SYNPO: variants seen among roughly 807,000 people sequenced by gnomAD.
SYNPO encodes synaptopodin.
A neutral mutation model predicts 49.5 loss-of-function variants in SYNPO; 19 were observed. The ratio of observed to expected loss-of-function variants is 0.38; its 90% CI spans 0.27 to 0.56. The LOEUF (loss-of-function observed/expected upper bound fraction) is 0.56. SYNPO is among the 20% of genes least tolerant of loss of function. The probability of loss-of-function intolerance (pLI) is 0.68; values close to 1 mark genes in which losing one functional copy is unlikely to be tolerated. For missense variants in SYNPO, 1,131 were observed against 1,248.3 expected (o/e 0.91, Z 1.42); for synonymous variants, 536 against 548.0 (o/e 0.98, Z 0.31).
In SYNPO at chr5:150,648,051, G is replaced by A; in HGVS notation, c.-225G>A. On this transcript the variant is annotated 5_prime_UTR_variant, in exon 2 of 3. Coordinates refer to ENST00000307662, the MANE Select transcript of SYNPO (RefSeq NM_007286.6). This position sits in a 1 kb window ranked among gnomAD's most constrained non-coding sequence, Gnocchi z 5.0. ...CACCCCTCCCAGCTCCAATTCCCGTGGCGTCCAGCTCTTCAACAGGCGCCG... is the reference window on the plus strand; with the variant it reads ...CACCCCTCCCAGCTCCAATTCCCGTAGCGTCCAGCTCTTCAACAGGCGCCG... 6.4e-7 allele frequency: 1 copy of A among 1,551,794 alleles called. No homozygotes were observed.
upstream of SYNPO, among the ~76,000 whole-genome samples, chr5:150,638,114 G>C (rs527471970): frequency 1.3e-5 from 2 of 152,122 alleles, no homozygotes; most frequent in South Asian, 4.2e-4. Flanking sequence ...GTGGGGTGGG[G>C]GTTATCTTGA....
chr5:150,646,685 A>T (rs1213768199), intron 1 of SYNPO, among the ~76,000 whole-genome samples: 1 of 152,090 alleles, frequency 6.6e-6, no homozygotes. Context: ...AGATCTCATC[A>T]TTGCACTCCA....
intron 2 of SYNPO, 44 bp downstream of exon 2, chr5:150,650,347 G>A (rs1472768842): frequency 1.2e-6 from 2 of 1,612,640 alleles, no homozygotes; most frequent in Admixed American, 3.3e-5. Flanking sequence ...ACCCCACGGG[G>A]GTCCCACTGC....
chr5:150,612,648 C>A (rs559494484), intron 1 of SYNPO, among the ~76,000 whole-genome samples: 24 of 152,214 alleles, frequency 1.6e-4, no homozygotes, highest in Non-Finnish European at 1.6e-4. Flanking sequence ...AATAATAGCA[C>A]CTTCCTTATA....
At chr5:150,595,982 G>A in the SYNPO span, among the ~76,000 whole-genome samples, 51,692 of 152,122 alleles carry the variant, frequency 0.34, 9,285 homozygotes, top group Middle Eastern at 0.49. Flanking sequence ...AAAGAGGCCC[G>A]GGCCACAGGC....
chr5:150,657,415 T>TTCTCTCTCTC lies in SYNPO; in HGVS notation c.*337_*346dup, dbSNP rs376731190. ...ACACCGATGCACACACACTCTCTCTTTCTCTCTCTCTCTCTCTCACACACA... is the reference window on the plus strand; with the variant it reads ...ACACCGATGCACACACACTCTCTCTTTCTCTCTCTCTCTCTCTCTCTCTCTCTCACACACA... On this transcript the variant is annotated 3_prime_UTR_variant, in exon 3 of 3. Coordinates refer to ENST00000307662, the MANE Select transcript of SYNPO (RefSeq NM_007286.6). 8 of 192,232 alleles carry TTCTCTCTCTC rather than the reference T, an allele frequency of 4.2e-5. No individual in the cohort carries two copies. The highest frequency in any genetic ancestry group is 1.7e-4 in the African/African-American group (6 of 35,924). The allele number at this position is 192,232 out of a possible 1,614,324, so 11.9% of individuals were successfully genotyped here.
At position 150,649,232 on chromosome 5, in the gene SYNPO, C is replaced by A. The variant is rs1300795959; in HGVS notation, c.957C>A (p.Pro319=). 2 of 1,614,014 alleles carry A rather than the reference C, an allele frequency of 1.2e-6. No individual in the cohort carries two copies. Among genetic ancestry groups the A allele is most frequent in the Non-Finnish European group, 8.5e-7 (1 of 1,180,028 alleles). The part of the protein sequence containing the change: ...RRPLGNFTAP[P]TYTETLSTAP... ...CCTTGGGGAACTTCACTGCACCCCC[C>A]ACCTACACTGAGACCTTGTCCACAG... The change falls in exon 2 of 3, where the codon CCC becomes CCA. Residue 319 remains proline, a synonymous_variant. Transcript: ENST00000307662.
chr5:150,612,608 G>A (rs950668776), intron 1 of SYNPO, among the ~76,000 whole-genome samples: 61 of 152,276 alleles, frequency 4.0e-4, no homozygotes, highest in African/African-American at 1.4e-3. Flanking sequence ...AGTCATCGCA[G>A]CTCCATTTCC....
At position 150,651,888 on chromosome 5, in the gene SYNPO, G is replaced by C. The variant is rs897940296; in HGVS notation, c.2028+1585G>C. ...AGCCCCCGACCAAACCAGGCTTTGT[G>C]GGGGGTGAGAGAATACAGACACAAG... is the stretch of plus-strand genomic sequence containing the variant. On this transcript the variant is annotated intron_variant, in intron 2 of 2. Coordinates refer to ENST00000307662, the MANE Select transcript of SYNPO (RefSeq NM_007286.6). 3.0e-6 allele frequency: 3 copies of C among 1,000,346 alleles called. No individual in the cohort carries two copies. The East Asian group carries it at 3.4e-4, about 112-fold the overall frequency. 62.0% of individuals were successfully genotyped at this position (1,000,346 alleles called of 1,614,324 possible). A position where few individuals can be genotyped will look rare whatever the true frequency, so the allele number is the denominator to read the frequency against.
At chr5:150,595,794 C>G in the SYNPO span, among the ~76,000 whole-genome samples, 5 of 148,968 alleles carry the variant, frequency 3.4e-5, no homozygotes, top group Admixed American at 6.7e-5. Context: ...AATCTCCCCC[C>G]ACCCCAGCCC....
At chr5:150,651,804 TAAGTC>T (rs1337120317) in intron 2 of SYNPO, 4 of 1,000,396 alleles carry the variant, frequency 4.0e-6, no homozygotes, top group Non-Finnish European at 4.8e-6. Context: ...GTGAGGGTGT[TAAGTC>T]AGGTAGCTGG....
intron 1 of SYNPO, among the ~76,000 whole-genome samples, chr5:150,641,587 G>C (rs1356572778): frequency 2.6e-5 from 4 of 152,218 alleles, no homozygotes; most frequent in African/African-American, 9.6e-5. Flanking sequence ...ACGGGCCCCA[G>C]TGGTGGGCAG....
chr5:150,641,409 A>G (rs971396963), intron 1 of SYNPO, among the ~76,000 whole-genome samples: 1 of 152,112 alleles, frequency 6.6e-6, no homozygotes, highest in Non-Finnish European at 1.5e-5. Context: ...GCCAATCTCT[A>G]TTCCTACCCC....
chr5:150,636,780 G>A (rs1757729717), upstream of SYNPO, among the ~76,000 whole-genome samples: 1 of 150,566 alleles, frequency 6.6e-6, no homozygotes. Context: ...GGGATCCCCT[G>A]TGCAGAGAGA....
rs907706243 is a variant in SYNPO at position 150,642,887 on chromosome 5, G to T, written c.-333+2033G>T. ...GGAGCAGTTCTAAGCTCAGAGAGGT[G>T]GTGGTGATGGGATCTTAGCGGCAGC... On this transcript the variant is annotated intron_variant, in intron 1 of 2. Transcript: ENST00000307662. Among the ~76,000 whole-genome samples, 4 of 152,232 alleles carry T rather than the reference G, an allele frequency of 2.6e-5. No homozygotes were observed. The East Asian group carries it at 7.7e-4, about 29-fold the overall frequency.
rs555289874 is a variant in SYNPO at position 150,650,667 on chromosome 5, G to A, written c.2028+364G>A. On this transcript the variant is annotated intron_variant, in intron 2 of 2. Coordinates refer to ENST00000307662, the MANE Select transcript of SYNPO (RefSeq NM_007286.6). ...TAGGGATGCAGAGTCTGATGCCAGC[G>A]TCTTGCTGGGGGAGTGGCCTAGAAG... The A allele has an allele frequency of 1.6e-3, 2,269 of 1,421,264 alleles. 4 individuals are homozygous for A. Among genetic ancestry groups the A allele is most frequent in the Non-Finnish European group, 1.1e-3 (1,186 of 1,087,000 alleles). 88.0% of individuals were successfully genotyped at this position (1,421,264 alleles called of 1,614,324 possible).
chr5:150,593,045 C>T, the SYNPO span, among the ~76,000 whole-genome samples: 1 of 152,228 alleles, frequency 6.6e-6, no homozygotes, highest in African/African-American at 2.4e-5. Flanking sequence ...AAAGTGCTCC[C>T]CTCTGTCCCG....
chr5:150,624,854 G>T (rs1374031904), intron 2 of SYNPO: 3 of 985,024 alleles, frequency 3.0e-6, no homozygotes. Flanking sequence ...ACGCGGCCAG[G>T]TGTGCCGAGG....
Position 150,615,454 on chromosome 5 carries a change from C to CGGCCATCT in SYNPO, c.-265-2645_-265-2638dup, listed in dbSNP as rs1325868026. ...TCCCCACGCCCACTCCTTCTGCCTC[C>CGGCCATCT]GGCCATCTGGCTCTACGGTGGGGGG... On this transcript the variant is annotated intron_variant, in intron 1 of 2. Coordinates refer to the SYNPO transcript ENST00000394243. 2.0e-5 allele frequency: 3 copies of CGGCCATCT among 152,342 alleles called. No homozygotes were observed. In the East Asian group the frequency reaches 5.8e-4, roughly 29 times the overall value. 9.4% of individuals were successfully genotyped at this position (152,342 alleles called of 1,614,324 possible). A position where few individuals can be genotyped will look rare whatever the true frequency, so the allele number is the denominator to read the frequency against.
Sources: gnomAD v4.1 joint callset for allele counts (sites outside exome capture counted in the v4.1 genomes callset) on GRCh38, gnomAD v4.1.1 for gene constraint, Gnocchi (gnomAD v3.1) non-coding constraint, MANE v1.5 for transcripts, NCBI Gene and HGNC (gene_info 2026-07-23, HGNC 2026-07-21) for gene names.